The following TBL1XR1 variants were observed in gnomAD, a reference collection of about 807,000 sequenced individuals.
The protein encoded by TBL1XR1 is TBL1X/Y related 1, also known as F-box-like/WD repeat-containing protein TBL1XR1.
In TBL1XR1, 5 loss-of-function variants were observed where a neutral mutation model predicts 66.9. The ratio of observed to expected loss-of-function variants is 0.07; its 90% CI spans 0.04 to 0.16. The LOEUF (loss-of-function observed/expected upper bound fraction) is 0.16, where lower values mean the gene tolerates loss of function less well. Among genes scored for constraint, TBL1XR1 ranks in the 10% least tolerant of loss-of-function variants. TBL1XR1 has a pLI of 1.00. For synonymous variants in TBL1XR1, 210 were observed against 206.0 expected, an observed-to-expected ratio of 1.02 and a Z score of -0.17; for missense variants, 238 against 623.2, an observed-to-expected ratio of 0.38 and a Z score of 6.58.
At chr3:177,112,007 G>C (rs1314290362) in intron 1 of TBL1XR1, among the ~76,000 whole-genome samples, 2 of 138,982 alleles carry the variant, frequency 1.4e-5, no homozygotes. Flanking sequence ...ATAAGAACTA[G>C]GCCCTGAAAC....
intron 1 of TBL1XR1, among the ~76,000 whole-genome samples, chr3:177,140,498 C>A (rs1379130526): frequency 1.3e-5 from 2 of 152,098 alleles, no homozygotes; most frequent in East Asian, 3.9e-4. Context: ...AGATTTGCCA[C>A]TGAGTCAAAA....
intron 1 of TBL1XR1, among the ~76,000 whole-genome samples, chr3:177,108,299 T>TAA (rs1322023634): frequency 6.6e-6 from 1 of 152,224 alleles, no homozygotes; most frequent in Non-Finnish European, 1.5e-5. Flanking sequence ...GCCCTATATA[T>TAA]AATAATGAAG....
chr3:177,081,893 GT>G (rs1302328546), intron 2 of TBL1XR1, among the ~76,000 whole-genome samples: 1 of 151,852 alleles, frequency 6.6e-6, no homozygotes, highest in Non-Finnish European at 1.5e-5. Flanking sequence ...TATTGTTTCT[GT>G]TTGGGTAAAA....
chr3:177,172,653 G>GAGAGAA lies in TBL1XR1; in HGVS notation c.-122+24467_-122+24468insTTCTCT, dbSNP rs1405971046. 6.9e-5 allele frequency among the ~76,000 whole-genome samples: 9 copies of GAGAGAA among 129,720 alleles called. No homozygotes were observed. The East Asian group carries it at 1.7e-3, about 24-fold the overall frequency. The allele number at this position is 129,720 out of a possible 152,430, so 85.1% of individuals were successfully genotyped here. On this transcript the variant is annotated intron_variant, in intron 1 of 15. Transcript: ENST00000457928. Reference sequence around the variant, plus strand: ...GAGAGAAGAGAGAGAGAGAGAAAGAGAGAGAGAGAGAAGGGAGGGGAGGGG... The same window carrying GAGAGAA: ...GAGAGAAGAGAGAGAGAGAGAAAGAGAGAGAAAGAGAGAGAGAAGGGAGGGGAGGGG...
At chr3:177,056,258 T>A (rs527681410) in intron 3 of TBL1XR1, among the ~76,000 whole-genome samples, 24 of 152,352 alleles carry the variant, frequency 1.6e-4, no homozygotes, top group African/African-American at 5.0e-4. Context: ...ATTTAAATAG[T>A]CAAAATTGTT....
chr3:177,139,951 C>G (rs1729448963), intron 1 of TBL1XR1, among the ~76,000 whole-genome samples: 1 of 152,180 alleles, frequency 6.6e-6, no homozygotes, highest in South Asian at 2.1e-4. Context: ...ATCTTCTAAT[C>G]AGAAGTAACA....
At chr3:177,096,070 G>GTACT (rs1723440331) in intron 2 of TBL1XR1, among the ~76,000 whole-genome samples, 1 of 152,072 alleles carries the variant, frequency 6.6e-6, no homozygotes, top group South Asian at 2.1e-4. Flanking sequence ...AGGTAGTAGA[G>GTACT]GTAACTGTAT....
intron 3 of TBL1XR1, among the ~76,000 whole-genome samples, chr3:177,064,533 GTTAAT>G (rs1426476102): frequency 6.6e-6 from 1 of 152,168 alleles, no homozygotes; most frequent in Non-Finnish European, 1.5e-5. Flanking sequence ...GGAAAATACT[GTTAAT>G]TTAATTTCCA....
Position 177,025,060 on chromosome 3 carries a change from T to G in TBL1XR1, c.*438A>C, listed in dbSNP as rs1264261513. On this transcript the variant is annotated 3_prime_UTR_variant, in exon 16 of 16. Coordinates refer to ENST00000457928, the MANE Select transcript of TBL1XR1 (RefSeq NM_024665.7). ...AACAAACTACTGCTGCAAGTTTTTG[T>G]AAGTCCATTTTCTCTGTACATACAA... is the stretch of plus-strand genomic sequence containing the variant. The G allele has an allele frequency of 1.2e-5, 2 of 163,058 alleles. No homozygotes were observed. The highest frequency in any genetic ancestry group is 2.7e-5 in the Non-Finnish European group (2 of 75,280). 10.1% of individuals were successfully genotyped at this position (163,058 alleles called of 1,614,324 possible).
At chr3:177,119,125 C>T (rs1254900857) in intron 1 of TBL1XR1, among the ~76,000 whole-genome samples, 1 of 152,134 alleles carries the variant, frequency 6.6e-6, no homozygotes, top group African/African-American at 2.4e-5. Flanking sequence ...GCACCTGCCA[C>T]CACACCCGGC....
intron 1 of TBL1XR1, among the ~76,000 whole-genome samples, chr3:177,180,107 C>T (rs1734623420): frequency 6.6e-6 from 1 of 151,654 alleles, no homozygotes; most frequent in Non-Finnish European, 1.5e-5. Context: ...CATGGTGGCA[C>T]GTGCCTGTAA....
intron 2 of TBL1XR1, among the ~76,000 whole-genome samples, chr3:177,080,105 G>C (rs1197920482): frequency 6.6e-6 from 1 of 152,134 alleles, no homozygotes; most frequent in Non-Finnish European, 1.5e-5. Context: ...TAGGGAACAA[G>C]GTTGAAAATA....
At chr3:177,086,649 A>G (rs553267010) in intron 2 of TBL1XR1, among the ~76,000 whole-genome samples, 1 of 152,254 alleles carries the variant, frequency 6.6e-6, no homozygotes, top group African/African-American at 2.4e-5. Flanking sequence ...TTTCTCACCA[A>G]TGAAACAGAT....
chr3:177,139,325 C>T (rs1156791875), intron 1 of TBL1XR1, among the ~76,000 whole-genome samples: 1 of 152,110 alleles, frequency 6.6e-6, no homozygotes, highest in African/African-American at 2.4e-5. Context: ...AGTTCGAGAC[C>T]AGCCTGGCCA....
chr3:177,059,494 G>A (rs545939857), intron 3 of TBL1XR1, among the ~76,000 whole-genome samples: 2 of 152,204 alleles, frequency 1.3e-5, no homozygotes, highest in African/African-American at 4.8e-5. Flanking sequence ...TCTGACTTGT[G>A]ATTTTACAAA....
intron 1 of TBL1XR1, among the ~76,000 whole-genome samples, chr3:177,129,162 T>G (rs1052784424): frequency 1.3e-5 from 2 of 152,090 alleles, no homozygotes; most frequent in Admixed American, 6.5e-5. Context: ...CACAAAAAAT[T>G]GTATTATACT....
intron 1 of TBL1XR1, among the ~76,000 whole-genome samples, chr3:177,188,199 G>A (rs1157121522): frequency 6.6e-6 from 1 of 151,644 alleles, no homozygotes; most frequent in African/African-American, 2.4e-5. Flanking sequence ...CAAAGTGCTG[G>A]GATTACAGGC....
intron 2 of TBL1XR1, among the ~76,000 whole-genome samples, chr3:177,087,253 T>C (rs989884849): frequency 6.6e-6 from 1 of 151,834 alleles, no homozygotes; most frequent in African/African-American, 2.4e-5. Flanking sequence ...CTAATCAAAA[T>C]GGTTTTTGGC....
chr3:177,111,591 C>T (rs1033482193), intron 1 of TBL1XR1, among the ~76,000 whole-genome samples: 2 of 152,138 alleles, frequency 1.3e-5, no homozygotes, highest in African/African-American at 4.8e-5. Context: ...TCAGCCACTG[C>T]GCCAGGCCCA....
Sources: allele counts gnomAD v4.1 joint callset (sites outside exome capture counted in the v4.1 genomes callset), GRCh38; gene constraint gnomAD v4.1.1; transcripts MANE v1.5; gene names NCBI Gene and HGNC (gene_info 2026-07-23, HGNC 2026-07-21).